MGAM2: variants seen among roughly 807,000 people sequenced by gnomAD.
MGAM2 encodes probable maltase-glucoamylase 2.
MGAM2 carries 98 observed loss-of-function variants against 96.1 expected under a neutral mutation model. The ratio of observed to expected loss-of-function variants is 1.02; its 90% CI spans 0.87 to 1.21. MGAM2 has a LOEUF of 1.21. Among genes scored for constraint, MGAM2 ranks in the 50% most tolerant of loss-of-function variants. The pLI, the probability that MGAM2 is intolerant of heterozygous loss-of-function variation, is 0.00. For synonymous variants in MGAM2, 749 were observed against 414.8 expected, an observed-to-expected ratio of 1.81 and a Z score of -9.79; for missense variants, 2,055 against 1,182.4, an observed-to-expected ratio of 1.74 and a Z score of -10.82.
intron 37 of MGAM2, among the ~76,000 whole-genome samples, chr7:142,193,387 T>C (rs535870197): frequency 6.6e-6 from 1 of 152,292 alleles, no homozygotes; most frequent in African/African-American, 2.4e-5. Context: ...GAAGACCATG[T>C]CTTCTTTGCT....
intron 23 of MGAM2, 27 bp from the exon 24 acceptor site, chr7:142,164,829 C>T (rs947916023): frequency 4.5e-6 from 3 of 667,954 alleles, no homozygotes; most frequent in Non-Finnish European, 8.1e-6. Context: ...ACCTGGTTTC[C>T]AATCTGACTT....
At chr7:142,186,233 GAGAATCTAGGTGCTGTTAC>G (rs1211492098) in intron 35 of MGAM2, 110 bp downstream of exon 35, 23 of 624,432 alleles carry the variant, frequency 3.7e-5, no homozygotes, top group Non-Finnish European at 6.0e-5. Flanking sequence ...AGATGAAAGG[GAGAATCTAGGTGCTGTTAC>G]AGAATCTAGG....
intron 3 of MGAM2, among the ~76,000 whole-genome samples, chr7:142,122,362 CAA>C (rs1794602468): frequency 6.6e-6 from 1 of 152,146 alleles, no homozygotes; most frequent in South Asian, 2.1e-4. Context: ...AATGCAAATA[CAA>C]AGAGTTGTTA....
chr7:142,199,855 T>A, intron 44 of MGAM2, 25 bp from the exon 45 acceptor site: 1 of 639,140 alleles, frequency 1.6e-6, no homozygotes, highest in South Asian at 1.7e-5. Context: ...TAGAGAAAAA[T>A]AACTCTTTTT....
Position 142,158,063 on chromosome 7 carries a change from G to A in MGAM2, c.2050G>A (p.Glu684Lys). 1.4e-6 allele frequency: 1 copy of A among 702,998 alleles called. No homozygotes were observed. Among genetic ancestry groups the A allele is most frequent in the Non-Finnish European group, 2.6e-6 (1 of 384,990 alleles). The allele number at this position is 702,998 out of a possible 1,614,324, so 43.5% of individuals were successfully genotyped here. Reference sequence around the variant, plus strand: ...TTTCTACCATGCTCACACCCGGGGAGAGACGGTAGCAAGGCCCCTTGTACA... The same window carrying A: ...TTTCTACCATGCTCACACCCGGGGAAAGACGGTAGCAAGGCCCCTTGTACA... ...TLFYHAHTRGETVARPLVHEF... is the reference protein window; with the variant it reads ...TLFYHAHTRGKTVARPLVHEF... The change falls in exon 18 of 48, where the codon GAG (glutamate) becomes AAG (lysine). Residue 684 changes from glutamate to lysine, a missense_variant. Glu to Lys is a moderately conservative substitution (Grantham distance 56). Transcript: ENST00000477922.
In MGAM2 at chr7:142,154,195, C is replaced by G. The variant is rs1372048282; in HGVS notation, c.1806+6C>G. On this transcript the variant is annotated splice_donor_region_variant and intron_variant, in intron 16 of 47. Transcript: ENST00000477922. ...ACCTGTTTGGCATCCCCATGGTGAG[C>G]CTTATTTCCAACCAGGGAACTTTAA... 1 of 592,546 alleles carries G rather than the reference C, an allele frequency of 1.7e-6. No homozygotes were observed. Among genetic ancestry groups the G allele is most frequent in the South Asian group, 2.0e-5 (1 of 49,994 alleles). 36.7% of individuals were successfully genotyped at this position (592,546 alleles called of 1,614,324 possible). A position where few individuals can be genotyped will look rare whatever the true frequency, so the allele number is the denominator to read the frequency against.
At position 142,221,017 on chromosome 7, in the gene MGAM2, C is replaced by T. The variant is rs1295217811; in HGVS notation, c.6506C>T (p.Thr2169Ile). Residue 2169 changes from threonine to isoleucine, a missense_variant, in exon 48 of 48, where the codon ACT becomes ATT. Physicochemically the swap from Thr to Ile is moderately conservative, Grantham distance 89. Coordinates refer to ENST00000477922, the MANE Select transcript of MGAM2 (RefSeq NM_001293626.2). Reference sequence around the variant, plus strand: ...ATAACTGCTACCTCTCATACAAGTACTGATGATACTGTTCCTAATAATACT... The same window carrying T: ...ATAACTGCTACCTCTCATACAAGTATTGATGATACTGTTCCTAATAATACT... ...ANITATSHTS[T>I]DDTVPNNTVP... 7.1e-6 allele frequency: 5 copies of T among 702,418 alleles called. No individual in the cohort carries two copies. Among genetic ancestry groups the T allele is most frequent in the East Asian group, 5.4e-5 (2 of 37,250 alleles). The allele number at this position is 702,418 out of a possible 1,614,324, so 43.5% of individuals were successfully genotyped here. A position where few individuals can be genotyped will look rare whatever the true frequency, so the allele number is the denominator to read the frequency against.
At chr7:142,183,860 C>T (rs1160320902) in intron 33 of MGAM2, among the ~76,000 whole-genome samples, 2 of 146,490 alleles carry the variant, frequency 1.4e-5, no homozygotes, top group African/African-American at 5.0e-5. Flanking sequence ...TTTAGGTGGA[C>T]TTCAGGTGAT....
Position 142,220,266 on chromosome 7 carries a change from A to T in MGAM2, c.5755A>T (p.Asn1919Tyr), listed in dbSNP as rs1250368724. ...IGVTTNATVP[N>Y]TTAPFPTNAS... ...TGTTACAACTAATGCTACTGTTCCC[A>T]ATACAACTGCCCCTTTCCCAACAAA... The change falls in exon 48 of 48, where the codon AAT (asparagine) becomes TAT (tyrosine). Residue 1919 changes from asparagine (N) to tyrosine (Y), a missense_variant. Physicochemically the swap from Asn to Tyr is moderately radical, Grantham distance 143 (BLOSUM62 -2). Transcript: ENST00000477922. 1.4e-6 allele frequency: 1 copy of T among 701,306 alleles called. No individual in the cohort carries two copies. The highest frequency in any genetic ancestry group is 2.7e-5 in the East Asian group (1 of 37,186). 43.4% of individuals were successfully genotyped at this position (701,306 alleles called of 1,614,324 possible).
rs529414944 is a variant in MGAM2 at position 142,163,991 on chromosome 7, A to G, written c.2485-865A>G. On this transcript the variant is annotated intron_variant, in intron 23 of 47. Coordinates refer to ENST00000477922, the MANE Select transcript of MGAM2 (RefSeq NM_001293626.2). ...CTTCGCCAAGTCCTAGATTCTGAAT[A>G]TTATCTCCCATTTAAAAAAATATAG... Among the ~76,000 whole-genome samples the G allele has an allele frequency of 9.9e-5, 15 of 152,264 alleles. No homozygotes were observed. In the South Asian group the frequency reaches 3.1e-3, roughly 32 times the overall value.
rs1183513574 is a variant in MGAM2 at position 142,170,225 on chromosome 7, G to A, written c.3178G>A (p.Val1060Met). ...GATTCAACGCAAAAACTCCAGCACT[G>A]TGATGTAAGCACTATTTATTTGATT... ...IQIQRKNSST[V>M]IWDSQLPGFI... The change falls in exon 27 of 48, where the codon GTG (valine) becomes ATG (methionine). Residue 1060 changes from valine to methionine, a missense_variant. Physicochemically the swap from Val to Met is conservative, Grantham distance 21. Coordinates refer to ENST00000477922, the MANE Select transcript of MGAM2 (RefSeq NM_001293626.2). 5.7e-6 allele frequency: 4 copies of A among 701,978 alleles called. No homozygotes were observed. Among genetic ancestry groups the A allele is most frequent in the East Asian group, 2.7e-5 (1 of 37,286 alleles). 43.5% of individuals were successfully genotyped at this position (701,978 alleles called of 1,614,324 possible). A position where few individuals can be genotyped will look rare whatever the true frequency, so the allele number is the denominator to read the frequency against.
Position 142,136,638 on chromosome 7 carries a change from T to C in MGAM2, c.845T>C (p.Met282Thr). 1 of 693,880 alleles carries C rather than the reference T, an allele frequency of 1.4e-6. No individual in the cohort carries two copies. Among genetic ancestry groups the C allele is most frequent in the Non-Finnish European group, 2.6e-6 (1 of 381,994 alleles). 43.0% of individuals were successfully genotyped at this position (693,880 alleles called of 1,614,324 possible). ...FGVFLMNSNA[M>T]EVTLQPAPAI... ...GTATTTCTGATGAACAGTAATGCCA[T>C]GGGTAGGAAGCATCTTTTTATCTTC... The change falls in exon 8 of 48, where the codon ATG becomes ACG. Residue 282 changes from methionine (M) to threonine (T), a missense_variant and splice_region_variant. Coordinates refer to ENST00000477922, the MANE Select transcript of MGAM2 (RefSeq NM_001293626.2).
chr7:142,181,742 G>A (rs531875693), intron 32 of MGAM2, among the ~76,000 whole-genome samples: 1 of 152,310 alleles, frequency 6.6e-6, no homozygotes, highest in East Asian at 1.9e-4. Context: ...ATGTCTGGGG[G>A]TGATCTGTTG....
intron 45 of MGAM2, among the ~76,000 whole-genome samples, chr7:142,205,445 TG>T (rs1298874450): frequency 1.3e-5 from 2 of 151,592 alleles, no homozygotes; most frequent in Non-Finnish European, 2.9e-5. Context: ...ATGAGGGTTC[TG>T]ATCTCTCTTC....
rs143209621 is a variant in MGAM2 at position 142,140,157 on chromosome 7, G to A, written c.1087-645G>A. 7.6e-4 allele frequency among the ~76,000 whole-genome samples: 115 copies of A among 152,230 alleles called. No homozygotes were observed. The East Asian group carries it at 0.016, about 21-fold the overall frequency. On this transcript the variant is annotated intron_variant, in intron 10 of 47. Coordinates refer to ENST00000477922, the MANE Select transcript of MGAM2 (RefSeq NM_001293626.2). ...GAAAAAAAGAGCATCTGAAGCCAAAGAGCCTGTCCCCAAAGCCCTCATCAG... is the reference window on the plus strand; with the variant it reads ...GAAAAAAAGAGCATCTGAAGCCAAAAAGCCTGTCCCCAAAGCCCTCATCAG...
At chr7:142,203,084 T>C (rs1378572827) in intron 45 of MGAM2, among the ~76,000 whole-genome samples, 2 of 152,232 alleles carry the variant, frequency 1.3e-5, no homozygotes, top group African/African-American at 4.8e-5. Context: ...ATGTCTTCTT[T>C]AGAGAAGTGT....
chr7:142,178,003 T>C (rs1796427073), intron 32 of MGAM2, among the ~76,000 whole-genome samples: 1 of 152,178 alleles, frequency 6.6e-6, no homozygotes, highest in African/African-American at 2.4e-5. Flanking sequence ...GTAAGTGTTC[T>C]CTTTTCTCCA....
In MGAM2 at chr7:142,112,710, G is replaced by A. The variant is rs541734335; in HGVS notation, c.-1+903G>A. 3.9e-4 allele frequency among the ~76,000 whole-genome samples: 60 copies of A among 151,930 alleles called. 1 individual carries two copies. The highest frequency in any genetic ancestry group is 1.3e-3 in the African/African-American group (55 of 41,410). On this transcript the variant is annotated intron_variant, in intron 1 of 47. Transcript: ENST00000477922. ...GTTTGTCTCAGTTCCACCACTAACC[G>A]TGACTAGACAAAATTTCTTAATATT...
Position 142,222,094 on chromosome 7 carries a change from C to T in MGAM2, c.*35C>T, listed in dbSNP as rs546455964. On this transcript the variant is annotated 3_prime_UTR_variant, in exon 48 of 48. Transcript: ENST00000477922. ...AAGGCAGGATAGTTACCTCAGATAA[C>T]GCCTACAAACAACTATTACAGATAT... is the stretch of plus-strand genomic sequence containing the variant. The T allele has an allele frequency of 3.3e-5, 13 of 397,912 alleles. No individual in the cohort carries two copies. Among genetic ancestry groups the T allele is most frequent in the South Asian group, 2.6e-4 (2 of 7,818 alleles). The allele number at this position is 397,912 out of a possible 1,614,324, so 24.6% of individuals were successfully genotyped here.
Sources: gnomAD v4.1 joint callset for allele counts (sites outside exome capture counted in the v4.1 genomes callset) on GRCh38, gnomAD v4.1.1 for gene constraint, MANE v1.5 for transcripts, NCBI Gene and HGNC (gene_info 2026-07-23, HGNC 2026-07-21) for gene names.